Variants in C6orf120 observed in about 807,000 individuals in gnomAD.
C6orf120 encodes UPF0669 protein C6orf120.
For missense variants in C6orf120, 311 were observed against 264.2 expected (o/e 1.18, Z -1.23); for synonymous variants, 165 against 123.1 (o/e 1.34, Z -2.25).
At chr6:169,704,086 G>A (rs762076000) in exon 1 of C6orf120, 23 of 1,573,262 alleles carry the variant, frequency 1.5e-5, no homozygotes, top group East Asian at 1.4e-4. Flanking sequence ...CAAATCCAGC[G>A]ACCTAGGAAA....
At chr6:169,704,124 A>G in exon 1 of C6orf120, 1 of 1,495,318 alleles carries the variant, frequency 6.7e-7, no homozygotes, top group Non-Finnish European at 9.1e-7. Context: ...ATGAAAAATT[A>G]TCTTTACAGG....
downstream of C6orf120, chr6:169,705,566 A>AAC (rs748518201): frequency 5.0e-6 from 5 of 992,052 alleles, no homozygotes; most frequent in Non-Finnish European, 8.1e-6. Flanking sequence ...CTAGTTTTTG[A>AAC]ACCAATAAAT....
chr6:169,702,701 C>G, exon 1 of C6orf120: 4 of 1,613,510 alleles, frequency 2.5e-6, no homozygotes, highest in African/African-American at 1.3e-5. Context: ...CTGTACGTCT[C>G]CGCCAGCAGC....
exon 1 of C6orf120, chr6:169,704,136 C>T: frequency 4.2e-6 from 6 of 1,424,826 alleles, no homozygotes; most frequent in Non-Finnish European, 5.7e-6. Flanking sequence ...CTTTACAGGA[C>T]TGAATTTTAA....
chr6:169,705,123 T>TAAA (rs745359529), downstream of C6orf120: 4 of 1,580,746 alleles, frequency 2.5e-6, no homozygotes, highest in African/African-American at 5.4e-5. Context: ...GCTCTTTTTT[T>TAAA]AATCTTTACC....
downstream of C6orf120, chr6:169,705,255 C>T: frequency 6.2e-7 from 1 of 1,613,282 alleles, no homozygotes; most frequent in Non-Finnish European, 8.5e-7. Flanking sequence ...ACATTCCATA[C>T]ACTGCCATGG....
At chr6:169,702,807 C>T (rs745430170) in exon 1 of C6orf120, 3 of 1,612,890 alleles carry the variant, frequency 1.9e-6, no homozygotes, top group Admixed American at 3.3e-5. Context: ...CAGTGGGCAT[C>T]GGCGTCTATG....
At chr6:169,702,729 C>T in exon 1 of C6orf120, 1 of 1,613,528 alleles carries the variant, frequency 6.2e-7, no homozygotes, top group Non-Finnish European at 8.5e-7. Context: ...CCAGCTTCGA[C>T]GACTACGAGC....
At chr6:169,704,254 T>TA in exon 1 of C6orf120, 2 of 544,670 alleles carry the variant, frequency 3.7e-6, no homozygotes, top group Non-Finnish European at 6.5e-6. Flanking sequence ...AATGTAAACT[T>TA]AATCAATGTA....
chr6:169,705,328 C>T (rs1408968108), downstream of C6orf120: 2 of 1,594,244 alleles, frequency 1.3e-6, no homozygotes, highest in African/African-American at 1.3e-5. Context: ...TGGCCTAAAT[C>T]AAAACCAGTA....
exon 1 of C6orf120, chr6:169,702,774 C>T (rs756170066): frequency 1.2e-6 from 2 of 1,613,254 alleles, no homozygotes; most frequent in Non-Finnish European, 1.7e-6. Flanking sequence ...ACGCCGTGTC[C>T]ATCCCCGCGC....
chr6:169,703,400 A>C, exon 1 of C6orf120: 1 of 250,854 alleles, frequency 4.0e-6, no homozygotes, highest in Non-Finnish European at 8.3e-6. Flanking sequence ...GGAGATTCTA[A>C]CCGAAGTTGG....
exon 1 of C6orf120, chr6:169,704,854 T>C (rs889523693): frequency 6.6e-6 from 2 of 305,080 alleles, no homozygotes; most frequent in African/African-American, 4.3e-5. Flanking sequence ...AATAAAGGCT[T>C]TGTTACTTTA....
At chr6:169,703,057 T>C in exon 1 of C6orf120, 1 of 1,537,258 alleles carries the variant, frequency 6.5e-7, no homozygotes, top group Non-Finnish European at 8.8e-7. Context: ...CACTCTGGGA[T>C]ATAAAACCCT....
At chr6:169,706,004 GAAGGA>G (rs531109839), downstream of C6orf120, among the ~76,000 whole-genome samples, 15 of 152,228 alleles carry the variant, frequency 9.9e-5, no homozygotes, top group South Asian at 2.9e-3. Flanking sequence ...TTAATGAATG[GAAGGA>G]AAGACTAAAT....
exon 1 of C6orf120, chr6:169,702,928 G>A: frequency 6.2e-7 from 1 of 1,612,390 alleles, no homozygotes; most frequent in Non-Finnish European, 8.5e-7. Context: ...CGCAGATGCC[G>A]GCCAGAAGCA....
At chr6:169,702,369 C>T (rs1251079721) in exon 1 of C6orf120, 5 of 789,050 alleles carry the variant, frequency 6.3e-6, no homozygotes, top group Admixed American at 2.9e-5. Flanking sequence ...GACCCGCGTG[C>T]GGACGGCGGG....
Position 169,703,055 on chromosome 6 carries a change from G to A in C6orf120, c.*20G>A, listed in dbSNP as rs747790224. 11 of 1,537,918 alleles carry A rather than the reference G, an allele frequency of 7.2e-6. No homozygotes were observed. The African/African-American group carries it at 1.4e-4, about 19-fold the overall frequency. ...TTTTGAGTCGTTGACCACACTCTGG[G>A]ATATAAAACCCTCCATCTGTGAAGC... On this transcript the variant is annotated 3_prime_UTR_variant, in exon 1 of 1. Transcript: ENST00000332290.
At chr6:169,702,728 A>G in exon 1 of C6orf120, 1 of 1,613,490 alleles carries the variant, frequency 6.2e-7, no homozygotes, top group Non-Finnish European at 8.5e-7. Context: ...CCCAGCTTCG[A>G]CGACTACGAG....
Sources: gnomAD v4.1 joint callset for allele counts (sites outside exome capture counted in the v4.1 genomes callset) on GRCh38, gnomAD v4.1.1 for gene constraint, MANE v1.5 for transcripts, NCBI Gene and HGNC (gene_info 2026-07-23, HGNC 2026-07-21) for gene names.